Variants in NECTIN3 observed in about 807,000 individuals in gnomAD.
NECTIN3 encodes nectin-3.
A neutral mutation model predicts 49.4 loss-of-function variants in NECTIN3; 8 were observed. The ratio of observed to expected loss-of-function variants is 0.16; its 90% CI spans 0.10 to 0.29. The LOEUF is 0.29. Ranked by LOEUF, NECTIN3 falls within the 10% of genes least tolerant of loss-of-function variation. The pLI, the probability that NECTIN3 is intolerant of heterozygous loss-of-function variation, is 1.00. For synonymous variants in NECTIN3, 277 were observed against 241.1 expected (o/e 1.15, Z -1.38); for missense variants, 581 against 654.6 (o/e 0.89, Z 1.23).
chr3:111,157,680 T>C (rs1404288672), intron 7 of NECTIN3, among the ~76,000 whole-genome samples: 1 of 152,066 alleles, frequency 6.6e-6, no homozygotes, highest in Non-Finnish European at 1.5e-5. Flanking sequence ...ACTGACATTG[T>C]GTATTGGACT....
upstream of NECTIN3, among the ~76,000 whole-genome samples, chr3:111,190,404 G>A (rs975170791): frequency 6.6e-6 from 1 of 152,182 alleles, no homozygotes; most frequent in Non-Finnish European, 1.5e-5. Flanking sequence ...CCACATTAAG[G>A]TAGAGGGATG....
intron 7 of NECTIN3, among the ~76,000 whole-genome samples, chr3:111,177,715 C>T (rs1053328957): frequency 1.3e-5 from 2 of 152,104 alleles, no homozygotes; most frequent in Admixed American, 1.3e-4. Context: ...TAGGGCATCG[C>T]ATTGAAAAGC....
chr3:111,133,820 G>T lies in NECTIN3; in HGVS notation c.1255G>T (p.Val419Leu), dbSNP rs1300645407. 1 of 1,613,950 alleles carries T rather than the reference G, an allele frequency of 6.2e-7. No homozygotes were observed. Among genetic ancestry groups the T allele is most frequent in the Non-Finnish European group, 8.5e-7 (1 of 1,179,890 alleles). ...VVGGALFIVL[V>L]SVLAGIFCYR... The stretch of plus-strand genomic sequence containing the variant: ...GGGTGGGGCTCTCTTCATAGTACTT[G>T]TAAGTGTTTTGGCTGGAATATTCTG... The change falls in exon 6 of 6, where the codon GTA becomes TTA. Residue 419 changes from valine to leucine, a missense_variant. Val to Leu is a conservative substitution (Grantham distance 32). Coordinates refer to ENST00000485303, the MANE Select transcript of NECTIN3 (RefSeq NM_015480.3).
chr3:111,088,856 G>C (rs932799865), intron 1 of NECTIN3, among the ~76,000 whole-genome samples: 3 of 152,082 alleles, frequency 2.0e-5, no homozygotes, highest in African/African-American at 7.2e-5. Flanking sequence ...AACTTGGGAA[G>C]TGTTCATCTT....
chr3:111,147,836 A>C (rs1452503957), intron 7 of NECTIN3, among the ~76,000 whole-genome samples: 1 of 152,218 alleles, frequency 6.6e-6, no homozygotes, highest in East Asian at 1.9e-4. Flanking sequence ...TTTATTGTAA[A>C]ATAAAAAGTA....
intron 1 of NECTIN3, among the ~76,000 whole-genome samples, chr3:111,086,979 T>C (rs1350069129): frequency 6.6e-6 from 1 of 152,146 alleles, no homozygotes; most frequent in Admixed American, 6.5e-5. Context: ...ATTATAGATT[T>C]ATTTCAAGTT....
rs573137425 is a variant in NECTIN3, at chr3:111,124,280, A to G, written c.918-1904A>G. 2.6e-5 allele frequency among the ~76,000 whole-genome samples: 4 copies of G among 152,248 alleles called. No individual in the cohort carries two copies. In the South Asian group the frequency reaches 8.3e-4, roughly 32 times the overall value. ...AATCATTTAACCCCTCTAATCCTAA[A>G]TTTCCTTGCCAGTAACAGTACTTCA... is the stretch of plus-strand genomic sequence containing the variant. On this transcript the variant is annotated intron_variant, in intron 4 of 5. Transcript: ENST00000485303.
intron 1 of NECTIN3, chr3:111,075,218 G>A (rs760619267): frequency 6.6e-6 from 1 of 151,932 alleles, no homozygotes; most frequent in African/African-American, 2.4e-5. Context: ...TGATTTGCCC[G>A]GAAATGGGAC....
At chr3:111,072,407 G>T in intron 1 of NECTIN3, 1 of 1,521,328 alleles carries the variant, frequency 6.6e-7, no homozygotes, top group Non-Finnish European at 8.8e-7. Context: ...CGGCCGCGCG[G>T]GTCGCCGTGC....
intron 4 of NECTIN3, among the ~76,000 whole-genome samples, chr3:111,124,087 T>C (rs1260280442): frequency 6.6e-6 from 1 of 152,178 alleles, no homozygotes; most frequent in Non-Finnish European, 1.5e-5. Flanking sequence ...CAGTTGTCTT[T>C]AAGCCTGGAT....
At chr3:111,100,820 A>C (rs892037112) in intron 1 of NECTIN3, among the ~76,000 whole-genome samples, 7 of 151,998 alleles carry the variant, frequency 4.6e-5, no homozygotes, top group Non-Finnish European at 8.8e-5. Context: ...AATCTGAATA[A>C]TTGTTATGAA....
chr3:111,131,041 C>T (rs1372766063), intron 5 of NECTIN3, among the ~76,000 whole-genome samples: 1 of 151,984 alleles, frequency 6.6e-6, no homozygotes, highest in African/African-American at 2.4e-5. Context: ...GCTTACTTAG[C>T]AATCCTTAAA....
In NECTIN3 at chr3:111,126,223, C is replaced by T. The variant is rs143896077; in HGVS notation, c.957C>T (p.Asp319=). The change falls in exon 5 of 6, where the codon GAC becomes GAT. Residue 319 remains aspartate (D), a synonymous_variant. Coordinates refer to ENST00000485303, the MANE Select transcript of NECTIN3 (RefSeq NM_015480.3). ...GQWPDGLLAS[D]NTLHFVHPLT... ...GGCCTGATGGTTTATTGGCTTCAGA[C>T]AATACTCTTCATTTTGTCCATCCAT... is the stretch of plus-strand genomic sequence containing the variant. The T allele has an allele frequency of 2.2e-3, 3,517 of 1,608,054 alleles. 7 individuals carry two copies. The highest frequency in any genetic ancestry group is 2.6e-3 in the Non-Finnish European group (3,088 of 1,178,232).
intron 7 of NECTIN3, among the ~76,000 whole-genome samples, chr3:111,174,061 C>G (rs937639863): frequency 6.6e-6 from 1 of 152,144 alleles, no homozygotes; most frequent in African/African-American, 2.4e-5. Flanking sequence ...GACTCTCAGT[C>G]TAGCCCTATG....
At chr3:111,073,277 T>A (rs1170771353) in intron 1 of NECTIN3, 1 of 152,196 alleles carries the variant, frequency 6.6e-6, no homozygotes, top group Non-Finnish European at 1.5e-5. Context: ...TAGTATTTAT[T>A]AAAAGGAGAG....
intron 4 of NECTIN3, 52 bp from the exon 5 acceptor site, chr3:111,126,132 A>G: frequency 7.7e-7 from 1 of 1,294,208 alleles, no homozygotes; most frequent in East Asian, 2.9e-5. Context: ...CTAGCTGTCA[A>G]TAAATATAGT....
At chr3:111,184,426 C>T (rs1461902531) in intron 7 of NECTIN3, among the ~76,000 whole-genome samples, 1 of 152,158 alleles carries the variant, frequency 6.6e-6, no homozygotes, top group Non-Finnish European at 1.5e-5. Context: ...TATCTCGAGA[C>T]TCCAGCCCCA....
chr3:111,178,321 T>A (rs2035567982), intron 7 of NECTIN3, among the ~76,000 whole-genome samples: 1 of 152,236 alleles, frequency 6.6e-6, no homozygotes, highest in South Asian at 2.1e-4. Flanking sequence ...TAGTCATTTC[T>A]TCTTTAACTG....
rs1477844 is a variant in NECTIN3, at chr3:111,110,984, G to A, written c.161-1046G>A. Among the ~76,000 whole-genome samples, 64 of 151,934 alleles carry A rather than the reference G, an allele frequency of 4.2e-4. 1 individual carries two copies. The South Asian group carries it at 0.013, about 31-fold the overall frequency. On this transcript the variant is annotated intron_variant, in intron 1 of 5. Coordinates refer to ENST00000485303, the MANE Select transcript of NECTIN3 (RefSeq NM_015480.3). Reference sequence around the variant, plus strand: ...CTTGATTATGTGGTGATGCCCTTCTGCATTTCTGTATTCATTTAAAAATAT... The same window carrying A: ...CTTGATTATGTGGTGATGCCCTTCTACATTTCTGTATTCATTTAAAAATAT...
Sources: gnomAD v4.1 joint callset for allele counts (sites outside exome capture counted in the v4.1 genomes callset) on GRCh38, gnomAD v4.1.1 for gene constraint, MANE v1.5 for transcripts, NCBI Gene and HGNC (gene_info 2026-07-23, HGNC 2026-07-21) for gene names.